Variants in RELN observed in about 807,000 individuals in gnomAD.
RELN encodes reelin.
A neutral mutation model predicts 427.6 loss-of-function variants in RELN; 108 were observed. The ratio of observed to expected loss-of-function variants is 0.25; its 90% CI spans 0.22 to 0.30. The LOEUF (loss-of-function observed/expected upper bound fraction) is 0.30. Among genes scored for constraint, RELN ranks in the 10% least tolerant of loss-of-function variants. The probability of loss-of-function intolerance (pLI) is 1.00; values close to 1 mark genes in which losing one functional copy is unlikely to be tolerated. For missense variants in RELN, 3,715 were observed against 4,302.8 expected (o/e 0.86, Z 3.82); for synonymous variants, 1,524 against 1,513.4 (o/e 1.01, Z -0.16).
At chr7:103,641,995 G>T (rs989225103) in intron 16 of RELN, among the ~76,000 whole-genome samples, 1 of 152,094 alleles carries the variant, frequency 6.6e-6, no homozygotes, top group African/African-American at 2.4e-5. Context: ...TTGCAATTAA[G>T]AATTTTATTG....
Position 103,611,720 on chromosome 7 carries a change from T to C in RELN, c.2786A>G (p.Gln929Arg). 6.2e-7 allele frequency: 1 copy of C among 1,613,922 alleles called. No homozygotes were observed. The highest frequency in any genetic ancestry group is 8.5e-7 in the Non-Finnish European group (1 of 1,179,904). Reference protein sequence around the residue: ...SMQIGASYMIQFSLVMGCGQK... With the variant: ...SMQIGASYMIRFSLVMGCGQK... ...GCCACATCCCATCACCAAACTGAAC[T>C]GAATCATATAGGATGCTCCTATCTG... Residue 929 changes from glutamine (Q) to arginine (R), a missense_variant, in exon 21 of 65, where the codon CAG becomes CGG. This residue lies in a region of RELN where 2,208 missense variants were observed against 2,361.7 expected (regional missense o/e 0.93). Coordinates refer to ENST00000428762, the MANE Select transcript of RELN (RefSeq NM_005045.4).
intron 2 of RELN, among the ~76,000 whole-genome samples, chr7:103,877,858 C>CTTTT (rs34224768): frequency 8.3e-6 from 1 of 120,668 alleles, no homozygotes. Flanking sequence ...CTCTCCCTGC[C>CTTTT]TTTTTTTTTT....
chr7:103,642,818 A>C (rs543450361), intron 16 of RELN, among the ~76,000 whole-genome samples: 1 of 152,132 alleles, frequency 6.6e-6, no homozygotes, highest in African/African-American at 2.4e-5. Flanking sequence ...AGCAAGAAAA[A>C]GTCACTCGTA....
chr7:103,985,334 G>C (rs553724547), intron 1 of RELN, among the ~76,000 whole-genome samples: 2 of 152,134 alleles, frequency 1.3e-5, no homozygotes, highest in South Asian at 2.1e-4. Flanking sequence ...ATTGTTAATG[G>C]AACACTTCCC....
intron 19 of RELN, among the ~76,000 whole-genome samples, chr7:103,631,286 CTTTTTTTTTT>C (rs545808640): frequency 1.3e-5 from 1 of 77,812 alleles, no homozygotes; most frequent in East Asian, 4.2e-4. Context: ...AAAAACACTT[CTTTTTTTTTT>C]TTTTTTTTTT....
chr7:103,689,895 G>C (rs1176770914), intron 10 of RELN, among the ~76,000 whole-genome samples: 1 of 152,086 alleles, frequency 6.6e-6, no homozygotes, highest in Non-Finnish European at 1.5e-5. Context: ...AATATTCTCA[G>C]ATTGCAGGAT....
intron 12 of RELN, among the ~76,000 whole-genome samples, chr7:103,654,484 C>A (rs894102522): frequency 6.6e-6 from 1 of 152,040 alleles, no homozygotes; most frequent in African/African-American, 2.4e-5. Context: ...AACTACACGT[C>A]CATGTTCTAA....
chr7:103,970,316 G>A (rs191446683), intron 1 of RELN, among the ~76,000 whole-genome samples: 1 of 151,602 alleles, frequency 6.6e-6, no homozygotes, highest in African/African-American at 2.4e-5. Flanking sequence ...CTAATTTTTT[G>A]TGTTTTTAGA....
chr7:103,639,531 C>A (rs1832654887), intron 17 of RELN, among the ~76,000 whole-genome samples: 1 of 151,694 alleles, frequency 6.6e-6, no homozygotes, highest in South Asian at 2.1e-4. Flanking sequence ...TCCCGAGTAG[C>A]TGGGATTACA....
chr7:103,749,962 G>T (rs1790954363), intron 5 of RELN, among the ~76,000 whole-genome samples: 1 of 146,032 alleles, frequency 6.8e-6, no homozygotes. Context: ...ATGACAGTGA[G>T]TTCTCATGAG....
chr7:103,589,217 C>T (rs915801834), intron 28 of RELN, among the ~76,000 whole-genome samples: 6 of 152,164 alleles, frequency 3.9e-5, no homozygotes, highest in African/African-American at 1.4e-4. Flanking sequence ...TTTCAGATGG[C>T]CACATTTATA....
At chr7:103,557,300 C>T in intron 37 of RELN, 141 bp from the exon 38 acceptor site, 2 of 741,090 alleles carry the variant, frequency 2.7e-6, no homozygotes, top group Admixed American at 4.3e-5. Context: ...GCTTCAGAAG[C>T]AACTTAAGGG....
At chr7:103,740,345 T>A (rs1790610252) in intron 6 of RELN, among the ~76,000 whole-genome samples, 1 of 152,214 alleles carries the variant, frequency 6.6e-6, no homozygotes. Flanking sequence ...CAGAAACTAT[T>A]ACCCAAGTTG....
intron 63 of RELN, 159 bp downstream of exon 63, chr7:103,482,714 T>C (rs1828285100): frequency 1.1e-6 from 1 of 936,868 alleles, no homozygotes; most frequent in African/African-American, 1.8e-5. Flanking sequence ...CACTGATGAT[T>C]TGAGCTATAG....
intron 63 of RELN, chr7:103,481,945 G>A (rs1032345203): frequency 2.0e-5 from 3 of 152,204 alleles, no homozygotes; most frequent in Non-Finnish European, 4.4e-5. Flanking sequence ...GTGGGGACCA[G>A]GTTGCTCTTG....
chr7:103,496,976 A>G (rs904092751), intron 55 of RELN, among the ~76,000 whole-genome samples: 1 of 152,188 alleles, frequency 6.6e-6, no homozygotes. Context: ...ATATTTCGAA[A>G]GAGTTGGCCA....
At chr7:103,770,859 G>A (rs2116177748) in intron 4 of RELN, among the ~76,000 whole-genome samples, 1 of 151,368 alleles carries the variant, frequency 6.6e-6, no homozygotes, top group South Asian at 2.1e-4. Context: ...TGCCTCAGGT[G>A]GTCTCGCCTC....
chr7:103,864,388 C>G (rs7791206), intron 2 of RELN, among the ~76,000 whole-genome samples: 43,488 of 152,112 alleles, frequency 0.29, 6,690 homozygotes, highest in East Asian at 0.61. Flanking sequence ...CTGTGCAGCA[C>G]ACCTCTAGAA....
At chr7:103,739,583 C>T (rs1397342578) in intron 6 of RELN, among the ~76,000 whole-genome samples, 2 of 152,312 alleles carry the variant, frequency 1.3e-5, no homozygotes. Context: ...AGGTATAGTG[C>T]TTGTGGTCCA....
Sources: allele counts gnomAD v4.1 joint callset (sites outside exome capture counted in the v4.1 genomes callset), GRCh38; gene constraint gnomAD v4.1.1; regional missense constraint gnomAD v4.1.1; transcripts MANE v1.5; gene names NCBI Gene and HGNC (gene_info 2026-07-23, HGNC 2026-07-21).